The following RNF40 variants were observed in gnomAD, a reference collection of about 807,000 sequenced individuals.
The protein encoded by RNF40 is ring finger protein 40, also known as E3 ubiquitin-protein ligase BRE1B.
A neutral mutation model predicts 123.3 loss-of-function variants in RNF40; 39 were observed. The observed-to-expected ratio is 0.32, with a 90% CI of 0.24 to 0.41. The LOEUF (loss-of-function observed/expected upper bound fraction) is 0.41. Among genes scored for constraint, RNF40 ranks in the 10% least tolerant of loss-of-function variants. RNF40 has a pLI of 1.00. For missense variants in RNF40, 1,003 were observed against 1,319.9 expected (o/e 0.76, Z 3.72); for synonymous variants, 538 against 526.0 (o/e 1.02, Z -0.31).
At position 30,768,826 on chromosome 16, in the gene RNF40, C is replaced by A; in HGVS notation, c.2098-12C>A. On this transcript the variant is annotated splice_polypyrimidine_tract_variant and intron_variant, in intron 14 of 19. Coordinates refer to ENST00000324685, the MANE Select transcript of RNF40 (RefSeq NM_014771.4). This position sits in a 1 kb window ranked among gnomAD's most constrained non-coding sequence, Gnocchi z 4.1. Reference sequence around the variant, plus strand: ...GCAGTGTCAAGAGAGTTTCTTCTTCCCTGTGCTATAGGTTGATGAGCTGCG... The same window carrying A: ...GCAGTGTCAAGAGAGTTTCTTCTTCACTGTGCTATAGGTTGATGAGCTGCG... 6.2e-7 allele frequency: 1 copy of A among 1,614,202 alleles called. No individual in the cohort carries two copies. The highest frequency in any genetic ancestry group is 8.5e-7 in the Non-Finnish European group (1 of 1,180,032).
In RNF40 at chr16:30,764,469, G is replaced by T. The variant is rs774795414; in HGVS notation, c.649+84G>T. 14 of 1,215,666 alleles carry T rather than the reference G, an allele frequency of 1.2e-5. No homozygotes were observed. The African/African-American group carries it at 1.5e-4, about 13-fold the overall frequency. The allele number at this position is 1,215,666 out of a possible 1,614,324, so 75.3% of individuals were successfully genotyped here. ...CCCCTTCCTGATTCCCCTAATGCCC[G>T]AGTCCAAGGGCGGCCAGAATTTCCC... On this transcript the variant is annotated intron_variant, in intron 5 of 19. Transcript: ENST00000324685.
At position 30,762,820 on chromosome 16, in the gene RNF40, A is replaced by C. The variant is rs1008290586; in HGVS notation, c.132+143A>C. The stretch of plus-strand genomic sequence containing the variant: ...GACCTTGAAAGAAAGGTTAGAAAGA[A>C]GCTCAGAACACGACGCCTGTCTTCC... On this transcript the variant is annotated intron_variant, in intron 2 of 19. Coordinates refer to ENST00000324685, the MANE Select transcript of RNF40 (RefSeq NM_014771.4). 2.1e-4 allele frequency: 228 copies of C among 1,092,960 alleles called. 1 individual carries two copies. Among genetic ancestry groups the C allele is most frequent in the Non-Finnish European group, 2.3e-4 (174 of 758,476 alleles). 67.7% of individuals were successfully genotyped at this position (1,092,960 alleles called of 1,614,324 possible).
chr16:30,766,599 A>G lies in RNF40; in HGVS notation c.1293+41A>G. 6.3e-7 allele frequency: 1 copy of G among 1,587,844 alleles called. No homozygotes were observed. Among genetic ancestry groups the G allele is most frequent in the South Asian group, 1.1e-5 (1 of 87,290 alleles). On this transcript the variant is annotated intron_variant, in intron 10 of 19. Transcript: ENST00000324685. The surrounding 1 kb of genome is among the most constrained non-coding windows in gnomAD (Gnocchi z 5.4). ...AGGCGTTAGGGCTGGGCTAAGGGCC[A>G]AACCGTTAGTGTTGACGTGTTTGTG...
intron 17 of RNF40, among the ~76,000 whole-genome samples, chr16:30,771,623 A>G (rs2054149268): frequency 6.6e-6 from 1 of 150,554 alleles, no homozygotes; most frequent in Non-Finnish European, 1.5e-5. Flanking sequence ...TCTCAAAAAA[A>G]CAAAAAACAA....
rs377015847 is a variant in RNF40 at position 30,768,407 on chromosome 16, G to A, written c.1856G>A (p.Gly619Asp). 14 of 1,613,860 alleles carry A rather than the reference G, an allele frequency of 8.7e-6. No individual in the cohort carries two copies. Among genetic ancestry groups the A allele is most frequent in the Non-Finnish European group, 1.1e-5 (13 of 1,179,932 alleles). ...RPKRELREREGPSLGPPPVAS... is the reference protein window; with the variant it reads ...RPKRELREREDPSLGPPPVAS... ...AAGCGGGAGCTTCGGGAACGGGAAGGTCCCAGCCTAGGACCTCCACCTGTA... is the reference window on the plus strand; with the variant it reads ...AAGCGGGAGCTTCGGGAACGGGAAGATCCCAGCCTAGGACCTCCACCTGTA... The change falls in exon 13 of 20, where the codon GGT becomes GAT. Residue 619 changes from glycine (G) to aspartate (D), a missense_variant. Around this residue, in one of 11 missense-constraint regions of RNF40, gnomAD observed 295 missense variants for 331.7 expected, o/e 0.89. Coordinates refer to ENST00000324685, the MANE Select transcript of RNF40 (RefSeq NM_014771.4). The surrounding 1 kb of genome is among the most constrained non-coding windows in gnomAD (Gnocchi z 4.1).
At chr16:30,772,267 TG>T in intron 19 of RNF40, 77 bp downstream of exon 19, 1 of 1,195,054 alleles carries the variant, frequency 8.4e-7, no homozygotes, top group Non-Finnish European at 1.2e-6. Flanking sequence ...GTGGAGAGTC[TG>T]GGGACCCTGG....
rs764130782 is a variant in RNF40, at chr16:30,768,715, G to A, written c.2076G>A (p.Ala692=). Residue 692 remains alanine (A), a synonymous_variant, in exon 14 of 20, where the codon GCG becomes GCA. Coordinates refer to ENST00000324685, the MANE Select transcript of RNF40 (RefSeq NM_014771.4). This position sits in a 1 kb window ranked among gnomAD's most constrained non-coding sequence, Gnocchi z 4.1. The stretch of plus-strand genomic sequence containing the variant: ...GGGATAAGGTGCAGCTCATGGCAGC[G>A]GAACGCAAGGCTAAGGCCGAGGTGA... ...EQRDKVQLMA[A]ERKAKAEVDE... 1.8e-5 allele frequency: 29 copies of A among 1,613,918 alleles called. No homozygotes were observed. Among genetic ancestry groups the A allele is most frequent in the East Asian group, 4.5e-5 (2 of 44,896 alleles).
Position 30,764,806 on chromosome 16 carries a change from C to T in RNF40, c.650-132C>T, listed in dbSNP as rs1327651291. On this transcript the variant is annotated intron_variant, in intron 5 of 19. Coordinates refer to ENST00000324685, the MANE Select transcript of RNF40 (RefSeq NM_014771.4). Reference sequence around the variant, plus strand: ...CTTCTCTGTGCAGTGGGGATAAAGACTCCTGGCTTTGTCATGAGAAATGGG... The same window carrying T: ...CTTCTCTGTGCAGTGGGGATAAAGATTCCTGGCTTTGTCATGAGAAATGGG... The T allele has an allele frequency of 3.0e-6, 4 of 1,318,312 alleles. No homozygotes were observed. In the African/African-American group the frequency reaches 4.4e-5, roughly 15 times the overall value. The allele number at this position is 1,318,312 out of a possible 1,614,324, so 81.7% of individuals were successfully genotyped here.
At position 30,773,943 on chromosome 16, in the gene RNF40, G is replaced by A; in HGVS notation, c.2835G>A (p.Arg945=). The A allele has an allele frequency of 6.2e-7, 1 of 1,611,782 alleles. No homozygotes were observed. Among genetic ancestry groups the A allele is most frequent in the African/African-American group, 1.3e-5 (1 of 75,010 alleles). Residue 945 remains arginine, a synonymous_variant, in exon 20 of 20, where the codon CGG becomes CGA. Transcript: ENST00000324685. The part of the protein sequence containing the change: ...LQEEIKEYKA[R]LTCPCCNTRK... ...GATGCCTTTGCCTGGCCCAGGCGCG[G>A]TTGACCTGCCCCTGCTGTAACACCC...
chr16:30,765,382 T>G (rs753520631), intron 7 of RNF40, 43 bp from the exon 8 acceptor site: 2 of 1,613,888 alleles, frequency 1.2e-6, no homozygotes, highest in South Asian at 1.1e-5. Flanking sequence ...GGGCCTTAGC[T>G]CCTCCCCTCT....
Position 30,774,149 on chromosome 16 carries a change from C to A in RNF40, c.*35C>A, listed in dbSNP as rs757247266. 1.9e-6 allele frequency: 3 copies of A among 1,576,580 alleles called. No individual in the cohort carries two copies. The highest frequency in any genetic ancestry group is 2.6e-6 in the Non-Finnish European group (3 of 1,158,218). The stretch of plus-strand genomic sequence containing the variant: ...TCAGGGGACTCTGGAACACCATGGA[C>A]CCTGGGGGCTGTGCCCCCATCTCCT... On this transcript the variant is annotated 3_prime_UTR_variant, in exon 20 of 20. Transcript: ENST00000324685.
chr16:30,762,150 AGAG>A, upstream of RNF40: 4 of 313,050 alleles, frequency 1.3e-5, no homozygotes, highest in Non-Finnish European at 2.4e-5. Context: ...ACCGAGAGAA[AGAG>A]GAGGTGTTTG....
Position 30,768,706 on chromosome 16 carries a change from C to G in RNF40, c.2067C>G (p.Leu689=). ...APKEQRDKVQ[L]MAAERKAKAE... Reference sequence around the variant, plus strand: ...AGGAGCAGCGGGATAAGGTGCAGCTCATGGCAGCGGAACGCAAGGCTAAGG... The same window carrying G: ...AGGAGCAGCGGGATAAGGTGCAGCTGATGGCAGCGGAACGCAAGGCTAAGG... The change falls in exon 14 of 20, where the codon CTC becomes CTG. Residue 689 remains leucine, a synonymous_variant. Transcript: ENST00000324685. The surrounding 1 kb of genome is among the most constrained non-coding windows in gnomAD (Gnocchi z 4.1). 6.2e-7 allele frequency: 1 copy of G among 1,614,110 alleles called. No homozygotes were observed. The highest frequency in any genetic ancestry group is 8.5e-7 in the Non-Finnish European group (1 of 1,180,044).
intron 11 of RNF40, 189 bp from the exon 12 acceptor site, chr16:30,767,705 T>C (rs900818594): frequency 3.2e-6 from 2 of 627,834 alleles, no homozygotes; most frequent in South Asian, 2.4e-5. Flanking sequence ...ATAGGCAGTG[T>C]CAAGTTAATT....
chr16:30,767,471 C>T (rs1478657347), intron 11 of RNF40, among the ~76,000 whole-genome samples: 1 of 151,604 alleles, frequency 6.6e-6, no homozygotes, highest in Non-Finnish European at 1.5e-5. Flanking sequence ...GTTACAGTTA[C>T]CTTCTCTATT....
chr16:30,769,169 C>G lies in RNF40; in HGVS notation c.2248-17C>G, dbSNP rs764848117. The G allele has an allele frequency of 1.2e-6, 2 of 1,613,530 alleles. No homozygotes were observed. The highest frequency in any genetic ancestry group is 1.3e-5 in the African/African-American group (1 of 74,942). On this transcript the variant is annotated splice_polypyrimidine_tract_variant and intron_variant, in intron 15 of 19. Transcript: ENST00000324685. ...CCACTTCCCACGTTCCATCTTGTCT[C>G]TGCCCACTTGCTGCAGGAGGAGGAG...
upstream of RNF40, chr16:30,761,775 G>C: frequency 3.3e-6 from 5 of 1,501,174 alleles, no homozygotes; most frequent in Middle Eastern, 9.5e-4. Flanking sequence ...GCCGCGAGGC[G>C]CCCCGGGCTC....
At chr16:30,773,602 G>A (rs2054184469) in intron 19 of RNF40, 1 of 239,116 alleles carries the variant, frequency 4.2e-6, no homozygotes, top group Non-Finnish European at 8.1e-6. Flanking sequence ...AGGTAGACAA[G>A]ATTGGGATTT....
Position 30,768,532 on chromosome 16 carries a change from T to A in RNF40, c.1979+2T>A. On this transcript the variant is annotated splice_donor_variant, in intron 13 of 19. Transcript: ENST00000324685. LOFTEE classifies it high-confidence loss of function. The surrounding 1 kb of genome is among the most constrained non-coding windows in gnomAD (Gnocchi z 4.1). ...CAAGGGTCTCCGAGCAGAGCTCAAG[T>A]GAGGCTCTGTTCCTGTCTCCTTCCT... 6.2e-7 allele frequency: 1 copy of A among 1,612,040 alleles called. No homozygotes were observed.
Sources: gnomAD v4.1 joint callset for allele counts (sites outside exome capture counted in the v4.1 genomes callset) on GRCh38, gnomAD v4.1.1 for gene constraint, gnomAD v4.1.1 regional missense constraint, Gnocchi (gnomAD v3.1) non-coding constraint, MANE v1.5 for transcripts, NCBI Gene and HGNC (gene_info 2026-07-23, HGNC 2026-07-21) for gene names.